SLX9: variants seen among roughly 807,000 people sequenced by gnomAD.
SLX9 encodes ribosome biogenesis protein SLX9 homolog.
A neutral mutation model predicts 20.8 loss-of-function variants in SLX9; 19 were observed. The observed-to-expected ratio is 0.91, with a 90% CI of 0.64 to 1.34. The LOEUF is 1.34. Among genes scored for constraint, SLX9 ranks in the 40% most tolerant of loss-of-function variants. The pLI is 0.00. For missense variants in SLX9, 299 were observed against 322.2 expected (o/e 0.93, Z 0.55); for synonymous variants, 113 against 137.1 (o/e 0.82, Z 1.23).
chr21:44,963,271 A>C (rs996501019), intron 3 of SLX9, among the ~76,000 whole-genome samples: 1 of 151,524 alleles, frequency 6.6e-6, no homozygotes, highest in African/African-American at 2.4e-5. Context: ...TTGTATTTTT[A>C]GTAGAGATGG....
At chr21:44,966,381 C>T (rs1038520600) in intron 3 of SLX9, among the ~76,000 whole-genome samples, 1 of 152,210 alleles carries the variant, frequency 6.6e-6, no homozygotes, top group Non-Finnish European at 1.5e-5. Flanking sequence ...GCAGGCCGTC[C>T]GCGCTCCACA....
intron 2 of SLX9, among the ~76,000 whole-genome samples, chr21:44,956,695 C>G (rs991986943): frequency 6.6e-6 from 1 of 152,370 alleles, no homozygotes; most frequent in East Asian, 1.9e-4. Context: ...AAAAGCCGGT[C>G]TCATGCTGAT....
At chr21:44,949,288 C>T (rs937376776) in intron 2 of SLX9, among the ~76,000 whole-genome samples, 1 of 152,144 alleles carries the variant, frequency 6.6e-6, no homozygotes, top group African/African-American at 2.4e-5. Flanking sequence ...TGCTCCTGAT[C>T]AGGGAGTGGA....
chr21:44,968,104 C>G (rs1301156294), intron 4 of SLX9, among the ~76,000 whole-genome samples: 1 of 152,136 alleles, frequency 6.6e-6, no homozygotes, highest in Admixed American at 6.5e-5. Flanking sequence ...CCTCCACCCC[C>G]CTGCCCTGGG....
intron 2 of SLX9, among the ~76,000 whole-genome samples, chr21:44,953,440 C>T (rs1344831139): frequency 6.6e-6 from 1 of 152,142 alleles, no homozygotes; most frequent in African/African-American, 2.4e-5. Flanking sequence ...CCTCGGGCAC[C>T]ATCCCCGGCG....
At chr21:44,962,608 C>G (rs1295851823) in intron 3 of SLX9, among the ~76,000 whole-genome samples, 1 of 152,208 alleles carries the variant, frequency 6.6e-6, no homozygotes, top group East Asian at 1.9e-4. Flanking sequence ...TTTTTAGCTA[C>G]TGTGAATAAG....
intron 4 of SLX9, among the ~76,000 whole-genome samples, chr21:44,970,008 C>G (rs1345428442): frequency 6.6e-6 from 1 of 152,214 alleles, no homozygotes; most frequent in South Asian, 2.1e-4. Flanking sequence ...AGGAAGCCCC[C>G]AGAGGCGAAG....
upstream of SLX9, chr21:44,939,921 C>G: frequency 1.1e-6 from 1 of 920,682 alleles, no homozygotes; most frequent in Non-Finnish European, 1.5e-6. Flanking sequence ...GACCCTGCGC[C>G]CGCCCGAGCC....
At chr21:44,953,512 GCATC>G (rs2084798846) in intron 2 of SLX9, among the ~76,000 whole-genome samples, 255 of 151,974 alleles carry the variant, frequency 1.7e-3, no homozygotes, top group African/African-American at 5.8e-3. Context: ...GTGGGGCCCT[GCATC>G]CGGGCCTCGG....
intron 3 of SLX9, 67 bp downstream of exon 3, chr21:44,960,235 C>A: frequency 6.9e-7 from 1 of 1,451,036 alleles, no homozygotes; most frequent in Non-Finnish European, 9.7e-7. Context: ...CCTCCTATTC[C>A]TACAGCCTCA....
At chr21:44,962,609 T>C (rs1008766862) in intron 3 of SLX9, among the ~76,000 whole-genome samples, 1 of 152,246 alleles carries the variant, frequency 6.6e-6, no homozygotes, top group African/African-American at 2.4e-5. Flanking sequence ...TTTTAGCTAC[T>C]GTGAATAAGG....
chr21:44,971,759 G>A (rs1193256144), intron 4 of SLX9, among the ~76,000 whole-genome samples: 98 of 152,308 alleles, frequency 6.4e-4, no homozygotes, highest in Non-Finnish European at 1.0e-4. Flanking sequence ...TGGGCAGTCA[G>A]TGAGGGAGCT....
chr21:44,956,079 C>A (rs193281244), intron 2 of SLX9, among the ~76,000 whole-genome samples: 1 of 152,364 alleles, frequency 6.6e-6, no homozygotes, highest in East Asian at 1.9e-4. Flanking sequence ...CAGCCTTCAT[C>A]GCTGTGAGCT....
intron 2 of SLX9, among the ~76,000 whole-genome samples, chr21:44,949,356 C>T (rs941223870): frequency 6.6e-6 from 1 of 152,048 alleles, no homozygotes. Context: ...GCAGTCACAC[C>T]GATGTGGGGT....
chr21:44,948,549 A>G (rs4818993), intron 2 of SLX9, among the ~76,000 whole-genome samples: 25,192 of 152,102 alleles, frequency 0.17, 2,173 homozygotes, highest in Admixed American at 0.22. Flanking sequence ...AGACACAGGC[A>G]GGGTGGGGCA....
At position 44,975,757 on chromosome 21, in the gene SLX9, C is replaced by T. The variant is rs371626397; in HGVS notation, c.570-923C>T. 2.6e-4 allele frequency among the ~76,000 whole-genome samples: 40 copies of T among 152,342 alleles called. No individual in the cohort carries two copies. The South Asian group carries it at 8.1e-3, about 31-fold the overall frequency. On this transcript the variant is annotated intron_variant, in intron 5 of 5. Coordinates refer to ENST00000291634, the MANE Select transcript of SLX9 (RefSeq NM_058190.4). Reference sequence around the variant, plus strand: ...AGCTGCCATGCTGGGGCCAGGGTGGCAGTGGCAGGAGGAGGTGGTGGTTAG... The same window carrying T: ...AGCTGCCATGCTGGGGCCAGGGTGGTAGTGGCAGGAGGAGGTGGTGGTTAG...
chr21:44,966,957 C>T, intron 3 of SLX9, 77 bp from the exon 4 acceptor site: 1 of 1,542,840 alleles, frequency 6.5e-7, no homozygotes, highest in Non-Finnish European at 8.8e-7. Flanking sequence ...TGCCAGGTCT[C>T]TCGTGGGCCA....
At chr21:44,965,111 T>A (rs888522175) in intron 3 of SLX9, among the ~76,000 whole-genome samples, 9 of 152,390 alleles carry the variant, frequency 5.9e-5, no homozygotes, top group South Asian at 4.1e-4. Context: ...ACTATTCTTA[T>A]GCATTTAGTT....
At chr21:44,968,957 G>A (rs948016147) in intron 4 of SLX9, among the ~76,000 whole-genome samples, 7 of 152,186 alleles carry the variant, frequency 4.6e-5, no homozygotes, top group African/African-American at 1.7e-4. Flanking sequence ...GTTTCACCGT[G>A]TTAGCCAGGA....
Sources: allele counts gnomAD v4.1 joint callset (sites outside exome capture counted in the v4.1 genomes callset), GRCh38; gene constraint gnomAD v4.1.1; transcripts MANE v1.5; gene names NCBI Gene and HGNC (gene_info 2026-07-23, HGNC 2026-07-21).